ITSN2: variants seen among roughly 807,000 people sequenced by gnomAD.
ITSN2 encodes intersectin-2.
ITSN2 carries 156 observed loss-of-function variants against 243.7 expected under a neutral mutation model. The observed-to-expected ratio is 0.64, with a 90% CI of 0.56 to 0.73. The LOEUF is 0.73. ITSN2 is among the 30% of genes least tolerant of loss of function. The probability of loss-of-function intolerance (pLI) is 0.00; values close to 1 mark genes in which losing one functional copy is unlikely to be tolerated. For missense variants in ITSN2, 1,801 were observed against 1,996.1 expected (o/e 0.90, Z 1.86); for synonymous variants, 703 against 699.9 (o/e 1.00, Z -0.07).
intron 15 of ITSN2, among the ~76,000 whole-genome samples, chr2:24,290,809 C>T (rs1680150880): frequency 6.6e-6 from 1 of 152,160 alleles, no homozygotes; most frequent in Non-Finnish European, 1.5e-5. Flanking sequence ...CTATTCAATT[C>T]CATTGTTCTA....
intron 18 of ITSN2, among the ~76,000 whole-genome samples, chr2:24,274,031 T>C (rs1413673120): frequency 1.3e-5 from 2 of 152,352 alleles, no homozygotes; most frequent in South Asian, 2.1e-4. Flanking sequence ...ATTAAACGCA[T>C]ATAACTAGTA....
chr2:24,271,765 C>T lies in ITSN2; in HGVS notation c.2257+1G>A, dbSNP rs147424111. On this transcript the variant is annotated splice_donor_variant, in intron 19 of 39. Transcript: ENST00000355123. LOFTEE classifies it high-confidence loss of function. ...CTGTCTCAAAGTATCCTTATCCTTA[C>T]GTTTTTTCTCCTCAGCTTTCAAAGT... 3.0e-3 allele frequency: 4,782 copies of T among 1,577,356 alleles called. 13 individuals are homozygous for T. Among genetic ancestry groups the T allele is most frequent in the Non-Finnish European group, 3.7e-3 (4,292 of 1,167,732 alleles).
In ITSN2 at chr2:24,261,193, T is replaced by C. The variant is rs1480330506; in HGVS notation, c.2595A>G (p.Ser865=). The C allele has an allele frequency of 4.3e-6, 7 of 1,613,246 alleles. No homozygotes were observed. The Middle Eastern group carries it at 6.6e-4, about 152-fold the overall frequency. ...GCCATGATGTATTTACAGTTAGGTT[T>C]GAAAAAGATACATTTTGATAATCAG... is the stretch of plus-strand genomic sequence containing the variant. ...SVTDYQNVSF[S]NLTVNTSWQK... is the part of the protein sequence containing the mutation. The change falls in exon 22 of 40, where the codon TCA becomes TCG. Residue 865 remains serine (S), a synonymous_variant. Transcript: ENST00000355123.
intron 25 of ITSN2, among the ~76,000 whole-genome samples, chr2:24,251,831 C>G (rs1315398090): frequency 6.6e-6 from 1 of 151,776 alleles, no homozygotes; most frequent in African/African-American, 2.4e-5. Context: ...ATATCATTAG[C>G]TATACTGAAC....
intron 29 of ITSN2, among the ~76,000 whole-genome samples, chr2:24,231,967 CT>C (rs1212192735): frequency 1.3e-5 from 2 of 152,138 alleles, no homozygotes; most frequent in African/African-American, 4.8e-5. Context: ...TTTCTGAAGG[CT>C]GCCTTTTTAT....
At chr2:24,357,424 A>G (rs902267414) in intron 1 of ITSN2, among the ~76,000 whole-genome samples, 3 of 152,208 alleles carry the variant, frequency 2.0e-5, no homozygotes, top group African/African-American at 7.2e-5. Flanking sequence ...GGAGTTGAAC[A>G]TTGAGAACAC....
intron 24 of ITSN2, among the ~76,000 whole-genome samples, chr2:24,253,970 TAA>T (rs1176812561): frequency 6.6e-6 from 1 of 152,212 alleles, no homozygotes; most frequent in Non-Finnish European, 1.5e-5. Context: ...ATACTTATGA[TAA>T]AGTATACCTT....
intron 13 of ITSN2, 59 bp downstream of exon 13, chr2:24,298,606 T>C: frequency 6.6e-7 from 1 of 1,515,618 alleles, no homozygotes; most frequent in Non-Finnish European, 8.9e-7. Context: ...CACAATTACA[T>C]TTTTCAACAG....
chr2:24,341,557 G>C (rs1056459341), intron 1 of ITSN2, among the ~76,000 whole-genome samples: 7 of 152,202 alleles, frequency 4.6e-5, no homozygotes, highest in African/African-American at 1.7e-4. Context: ...AAGCCAAATT[G>C]AAGTAGATTA....
At chr2:24,337,279 A>ATATGTGTGTG (rs1553395851) in intron 1 of ITSN2, among the ~76,000 whole-genome samples, 2 of 97,922 alleles carry the variant, frequency 2.0e-5, no homozygotes, top group African/African-American at 7.4e-5. Context: ...GTCTATATGT[A>ATATGTGTGTG]TGTATGTGTG....
intron 29 of ITSN2, among the ~76,000 whole-genome samples, chr2:24,224,493 C>A (rs1294207085): frequency 6.6e-6 from 1 of 152,176 alleles, no homozygotes; most frequent in Non-Finnish European, 1.5e-5. Flanking sequence ...GGAATAATAC[C>A]TTGGAATAAT....
chr2:24,250,361 G>T (rs1673937771), intron 25 of ITSN2, among the ~76,000 whole-genome samples: 1 of 152,106 alleles, frequency 6.6e-6, no homozygotes, highest in Admixed American at 6.5e-5. Context: ...TTTTGCCAAT[G>T]ATAAAATTCA....
intron 2 of ITSN2, among the ~76,000 whole-genome samples, chr2:24,323,972 C>T (rs1684867657): frequency 6.6e-6 from 1 of 152,196 alleles, no homozygotes; most frequent in African/African-American, 2.4e-5. Flanking sequence ...GTGGCTCACA[C>T]CTGTAATCCC....
intron 1 of ITSN2, among the ~76,000 whole-genome samples, chr2:24,358,995 A>T (rs1044776392): frequency 6.6e-6 from 1 of 152,246 alleles, no homozygotes; most frequent in Non-Finnish European, 1.5e-5. Flanking sequence ...ACATCAAAAT[A>T]GCAGCAATGC....
At chr2:24,210,614 C>CAAAAAAAAAAA (rs950984341) in intron 34 of ITSN2, among the ~76,000 whole-genome samples, 166 bp downstream of exon 34, 1 of 53,936 alleles carries the variant, frequency 1.9e-5, no homozygotes, top group Non-Finnish European at 3.4e-5. Flanking sequence ...GACTCCGTCT[C>CAAAAAAAAAAA]AAAAAAAAAA....
At chr2:24,245,642 C>T (rs1451371483) in intron 29 of ITSN2, among the ~76,000 whole-genome samples, 1 of 152,092 alleles carries the variant, frequency 6.6e-6, no homozygotes, top group Non-Finnish European at 1.5e-5. Context: ...CCACACCCAG[C>T]TAATTTTGCT....
intron 16 of ITSN2, among the ~76,000 whole-genome samples, chr2:24,285,981 CAT>C (rs1468940398): frequency 6.6e-6 from 1 of 151,834 alleles, no homozygotes; most frequent in Non-Finnish European, 1.5e-5. Flanking sequence ...ACAAACAGCA[CAT>C]AGTCATCAAA....
At chr2:24,258,783 A>G (rs926454505) in intron 22 of ITSN2, among the ~76,000 whole-genome samples, 3 of 152,168 alleles carry the variant, frequency 2.0e-5, no homozygotes, top group Non-Finnish European at 4.4e-5. Flanking sequence ...TTCAGCACTC[A>G]TCACACTACT....
chr2:24,334,939 T>G (rs1271513593), intron 1 of ITSN2, among the ~76,000 whole-genome samples: 1 of 151,098 alleles, frequency 6.6e-6, no homozygotes, highest in Non-Finnish European at 1.5e-5. Flanking sequence ...AGCGGGCGCC[T>G]GTAGTCCCAG....
Sources: gnomAD v4.1 joint callset for allele counts (sites outside exome capture counted in the v4.1 genomes callset) on GRCh38, gnomAD v4.1.1 for gene constraint, MANE v1.5 for transcripts, NCBI Gene and HGNC (gene_info 2026-07-23, HGNC 2026-07-21) for gene names.